PDE4D: variants seen among roughly 807,000 people sequenced by gnomAD.
PDE4D encodes 3',5'-cyclic-AMP phosphodiesterase 4D.
PDE4D carries 24 observed loss-of-function variants against 87.4 expected under a neutral mutation model. The observed-to-expected ratio is 0.27, with a 90% confidence interval of 0.20 to 0.39. The LOEUF (loss-of-function observed/expected upper bound fraction) is 0.39, where lower values mean the gene tolerates loss of function less well. PDE4D is among the 10% of genes least tolerant of loss of function. PDE4D has a pLI of 1.00. For synonymous variants in PDE4D, 384 were observed against 383.2 expected (o/e 1.00, Z -0.02); for missense variants, 714 against 1,041.0 (o/e 0.69, Z 4.32).
At chr5:59,417,734 A>G (rs1034414668) in intron 1 of PDE4D, among the ~76,000 whole-genome samples, 1 of 152,140 alleles carries the variant, frequency 6.6e-6, no homozygotes, top group Non-Finnish European at 1.5e-5. Context: ...ACAAATCTCT[A>G]ACAATTATGC....
intron 1 of PDE4D, among the ~76,000 whole-genome samples, chr5:59,238,728 C>A (rs140704845): frequency 1.3e-5 from 2 of 152,126 alleles, no homozygotes; most frequent in Non-Finnish European, 2.9e-5. Flanking sequence ...AAATCTCATA[C>A]GCATTTCAAA....
At chr5:59,762,419 T>TACACATGTGTATATGTGTATATGGGTAC (rs1447593329) in intron 1 of PDE4D, among the ~76,000 whole-genome samples, 9 of 135,056 alleles carry the variant, frequency 6.7e-5, no homozygotes, top group South Asian at 4.5e-4. Context: ...TGTATATGGG[T>TACACATGTGTATATGTGTATATGGGTAC]ACACATGTGT....
intron 1 of PDE4D, among the ~76,000 whole-genome samples, chr5:59,315,981 T>C (rs759155385): frequency 3.3e-5 from 5 of 152,160 alleles, no homozygotes; most frequent in Non-Finnish European, 7.4e-5. Flanking sequence ...ATCTTTCCAG[T>C]TGCCCACTTG....
At chr5:59,912,527 T>C (rs1561852391) in intron 3 of PDE4D, among the ~76,000 whole-genome samples, 1 of 152,322 alleles carries the variant, frequency 6.6e-6, no homozygotes, top group East Asian at 1.9e-4. Flanking sequence ...ACTGGGCATA[T>C]AACTCTGAAG....
rs539680198 is a variant in PDE4D at position 59,641,865 on chromosome 5, G to T, written c.455+251303C>A. 5.9e-5 allele frequency among the ~76,000 whole-genome samples: 9 copies of T among 152,274 alleles called. No homozygotes were observed. In the South Asian group the frequency reaches 1.9e-3, roughly 32 times the overall value. On this transcript the variant is annotated intron_variant, in intron 1 of 14. Coordinates refer to ENST00000340635, the MANE Select transcript of PDE4D (RefSeq NM_001104631.2). The stretch of plus-strand genomic sequence containing the variant: ...TACTGAAAAAAGTACAGATTTCCTT[G>T]TAACTATTGCAATATTAAATGTACA...
intron 1 of PDE4D, among the ~76,000 whole-genome samples, chr5:59,807,068 C>T (rs187678276): frequency 5.9e-4 from 90 of 152,170 alleles, no homozygotes; most frequent in African/African-American, 2.1e-3. Flanking sequence ...TGATAATGAC[C>T]TAGTAGCAAC....
intron 1 of PDE4D, among the ~76,000 whole-genome samples, chr5:60,424,187 T>A (rs1743421702): frequency 6.6e-6 from 1 of 151,760 alleles, no homozygotes; most frequent in South Asian, 2.1e-4. Flanking sequence ...ACTCATTTTA[T>A]GAGCATCATT....
At chr5:59,818,878 A>G (rs561748853) in intron 1 of PDE4D, among the ~76,000 whole-genome samples, 1 of 152,278 alleles carries the variant, frequency 6.6e-6, no homozygotes, top group South Asian at 2.1e-4. Context: ...GATAAAAAAA[A>G]AAACACAAGA....
At chr5:60,113,938 T>G (rs998625893) in intron 2 of PDE4D, among the ~76,000 whole-genome samples, 1 of 152,154 alleles carries the variant, frequency 6.6e-6, no homozygotes, top group African/African-American at 2.4e-5. Flanking sequence ...TCCAAAGATA[T>G]GCCTGGTTGT....
intron 1 of PDE4D, among the ~76,000 whole-genome samples, chr5:59,875,394 G>A (rs1210298570): frequency 7.1e-6 from 1 of 140,406 alleles, no homozygotes; most frequent in Non-Finnish European, 1.5e-5. Flanking sequence ...CCAGGAGACA[G>A]AGGTTGCAGT....
chr5:58,969,144 C>G lies in PDE4D; in HGVS notation c.*5520G>C, dbSNP rs1279719111. ...GCTATATTCAACACATATTAAGAAC[C>G]TACTGTGTACCAGGCATAGTTTTAA... On this transcript the variant is annotated 3_prime_UTR_variant, in exon 15 of 15. Coordinates refer to ENST00000340635, the MANE Select transcript of PDE4D (RefSeq NM_001104631.2). 1 of 152,092 alleles carries G rather than the reference C, an allele frequency of 6.6e-6. No homozygotes were observed. Among genetic ancestry groups the G allele is most frequent in the African/African-American group, 2.4e-5 (1 of 41,412 alleles). The allele number at this position is 152,092 out of a possible 1,614,324, so 9.4% of individuals were successfully genotyped here. A position where few individuals can be genotyped will look rare whatever the true frequency, so the allele number is the denominator to read the frequency against.
intron 1 of PDE4D, among the ~76,000 whole-genome samples, chr5:60,219,509 T>C (rs991191611): frequency 2.0e-5 from 3 of 152,204 alleles, no homozygotes; most frequent in African/African-American, 7.2e-5. Flanking sequence ...GTCAGATACG[T>C]GGGATACACC....
intron 1 of PDE4D, among the ~76,000 whole-genome samples, chr5:59,349,455 C>T (rs1232299568): frequency 6.6e-6 from 1 of 152,110 alleles, no homozygotes; most frequent in Non-Finnish European, 1.5e-5. Flanking sequence ...CCAGATCAGA[C>T]AGGCTTTGAT....
rs533228816 is a variant in PDE4D, at chr5:59,606,170, C to A, written c.455+286998G>T. ...CCTTTCATCTATGTGAACCCCAGAT[C>A]AACTCGTATAAATTCTGTATTTGTA... On this transcript the variant is annotated intron_variant, in intron 1 of 14. Transcript: ENST00000340635. Among the ~76,000 whole-genome samples the A allele has an allele frequency of 2.6e-5, 4 of 152,052 alleles. No homozygotes were observed. In the South Asian group the frequency reaches 8.3e-4, roughly 32 times the overall value.
intron 2 of PDE4D, among the ~76,000 whole-genome samples, chr5:60,104,806 T>A (rs1434400917): frequency 1.3e-5 from 2 of 152,180 alleles, no homozygotes; most frequent in African/African-American, 4.8e-5. Context: ...GAGGGTCCTG[T>A]CTCTTAGAAG....
intron 1 of PDE4D, among the ~76,000 whole-genome samples, chr5:59,386,893 C>A (rs1001481073): frequency 1.3e-5 from 2 of 151,996 alleles, no homozygotes; most frequent in Admixed American, 1.3e-4. Flanking sequence ...ATGACTGTAC[C>A]AAGGAATAAA....
intron 1 of PDE4D, among the ~76,000 whole-genome samples, chr5:60,296,045 C>T (rs1753352414): frequency 6.6e-6 from 1 of 152,140 alleles, no homozygotes; most frequent in Non-Finnish European, 1.5e-5. Flanking sequence ...ACGGAGATCC[C>T]TAGGGCCTCT....
chr5:60,315,431 T>C lies in PDE4D; in HGVS notation c.-89-129744A>G, dbSNP rs528816956. ...ATGGCAAAAATTTTCTCCCATTCTG[T>C]AGGTTGCCTGTTGACTCTGATGGTA... On this transcript the variant is annotated intron_variant, in intron 1 of 16. Transcript: ENST00000502484. Among the ~76,000 whole-genome samples, 6 of 152,322 alleles carry C rather than the reference T, an allele frequency of 3.9e-5. No individual in the cohort carries two copies. The South Asian group carries it at 1.2e-3, about 32-fold the overall frequency.
At chr5:59,268,079 T>C (rs1023028298) in intron 1 of PDE4D, among the ~76,000 whole-genome samples, 1 of 151,982 alleles carries the variant, frequency 6.6e-6, no homozygotes, top group African/African-American at 2.4e-5. Flanking sequence ...TATAATCTCT[T>C]TTTTCTTGCC....
Sources: allele counts gnomAD v4.1 joint callset (sites outside exome capture counted in the v4.1 genomes callset), GRCh38; gene constraint gnomAD v4.1.1; transcripts MANE v1.5; gene names NCBI Gene and HGNC (gene_info 2026-07-23, HGNC 2026-07-21).